Variants in FMNL3 observed in about 807,000 individuals in gnomAD.
The protein encoded by FMNL3 is formin like 3.
FMNL3 carries 57 observed loss-of-function variants against 119.6 expected under a neutral mutation model. The ratio of observed to expected loss-of-function variants is 0.48; its 90% CI spans 0.39 to 0.59. The LOEUF (loss-of-function observed/expected upper bound fraction) is 0.59, where lower values mean the gene tolerates loss of function less well. Ranked by LOEUF, FMNL3 falls within the 20% of genes least tolerant of loss-of-function variation. The pLI, the probability that FMNL3 is intolerant of heterozygous loss-of-function variation, is 0.00. For synonymous variants in FMNL3, 491 were observed against 507.3 expected (o/e 0.97, Z 0.43); for missense variants, 1,053 against 1,323.5 (o/e 0.80, Z 3.17).
intron 1 of FMNL3, among the ~76,000 whole-genome samples, chr12:49,706,157 G>A (rs553745597): frequency 6.6e-6 from 1 of 152,220 alleles, no homozygotes; most frequent in Non-Finnish European, 1.5e-5. Flanking sequence ...CATATTTTCT[G>A]GCTCCTTCCC....
At chr12:49,690,631 G>T (rs1025598076) in intron 1 of FMNL3, among the ~76,000 whole-genome samples, 3 of 152,134 alleles carry the variant, frequency 2.0e-5, no homozygotes, top group Admixed American at 6.5e-5. Context: ...CCCAAATCTG[G>T]CTGACTCTAA....
rs1941922738 is a variant in FMNL3 at position 49,637,062 on chromosome 12, C to T, written c.*8753G>A. On this transcript the variant is annotated 3_prime_UTR_variant, in exon 26 of 26. Transcript: ENST00000335154. ...TTCTAGGGAGACTAGATGTATGCAC[C>T]ACCCAGAAACTGCCAGTAGAGAGCA... 2.1e-5 allele frequency: 15 copies of T among 712,980 alleles called. No homozygotes were observed. The highest frequency in any genetic ancestry group is 1.2e-4 in the Admixed American group (4 of 34,362). The allele number at this position is 712,980 out of a possible 1,614,324, so 44.2% of individuals were successfully genotyped here.
chr12:49,668,908 G>A (rs1943963834), intron 1 of FMNL3, among the ~76,000 whole-genome samples: 2 of 152,186 alleles, frequency 1.3e-5, no homozygotes, highest in Admixed American at 6.5e-5. Flanking sequence ...AAACAAATAT[G>A]TCATATACAT....
At chr12:49,692,280 T>G (rs1203853154) in intron 1 of FMNL3, among the ~76,000 whole-genome samples, 2 of 151,610 alleles carry the variant, frequency 1.3e-5, no homozygotes, top group Non-Finnish European at 2.9e-5. Flanking sequence ...GTTGAGACTG[T>G]GATCACACTA....
At position 49,649,541 on chromosome 12, in the gene FMNL3, G is replaced by A. The variant is rs1565866334; in HGVS notation, c.2236-3C>T. On this transcript the variant is annotated splice_polypyrimidine_tract_variant and splice_region_variant and intron_variant, in intron 18 of 25. Coordinates refer to ENST00000335154, the MANE Select transcript of FMNL3 (RefSeq NM_175736.5). The surrounding 1 kb of genome is among the most constrained non-coding windows in gnomAD (Gnocchi z 5.6). ...GCCGCAATGATGGCATTGAGTTGCTGTAGGACAATATGAACACTGAAGTAA... is the reference window on the plus strand; with the variant it reads ...GCCGCAATGATGGCATTGAGTTGCTATAGGACAATATGAACACTGAAGTAA... 2 of 1,614,202 alleles carry A rather than the reference G, an allele frequency of 1.2e-6. No individual in the cohort carries two copies. Among genetic ancestry groups the A allele is most frequent in the Admixed American group, 3.3e-5 (2 of 60,024 alleles).
At chr12:49,700,522 C>T (rs1257717518) in intron 1 of FMNL3, among the ~76,000 whole-genome samples, 1 of 150,308 alleles carries the variant, frequency 6.7e-6, no homozygotes, top group Non-Finnish European at 1.5e-5. Flanking sequence ...TGAGATCAGC[C>T]TGGCCAACGT....
intron 4 of FMNL3, among the ~76,000 whole-genome samples, chr12:49,664,361 T>C (rs1943826156): frequency 6.6e-6 from 1 of 152,136 alleles, no homozygotes; most frequent in African/African-American, 2.4e-5. Context: ...GTCATGATCA[T>C]GTCACTGTAC....
chr12:49,698,367 TC>T (rs1306149656), intron 1 of FMNL3, among the ~76,000 whole-genome samples: 1 of 152,184 alleles, frequency 6.6e-6, no homozygotes, highest in Non-Finnish European at 1.5e-5. Flanking sequence ...AAACTTGTCC[TC>T]TACTGGCAAA....
At chr12:49,677,313 C>G (rs183614303) in intron 1 of FMNL3, among the ~76,000 whole-genome samples, 13 of 152,116 alleles carry the variant, frequency 8.5e-5, no homozygotes, top group Middle Eastern at 3.2e-3. Flanking sequence ...AGTGACCCTC[C>G]TAGAGGCACA....
At chr12:49,665,704 C>A (rs1224172726) in intron 4 of FMNL3, 128 bp downstream of exon 4, 4 of 974,800 alleles carry the variant, frequency 4.1e-6, no homozygotes, top group Non-Finnish European at 6.5e-6. Context: ...AGAAGCCATT[C>A]AAGGGGCAAC....
intron 2 of FMNL3, 120 bp downstream of exon 2, chr12:49,668,351 C>A: frequency 1.1e-6 from 1 of 879,484 alleles, no homozygotes; most frequent in African/African-American, 1.7e-5. Flanking sequence ...ACAGATGAGG[C>A]CAAGCTTAGG....
chr12:49,637,933 G>A lies in FMNL3; in HGVS notation c.*7882C>T, dbSNP rs1472675355. ...TGCAGAAGCATTACAGCTTGGTTCA[G>A]CAGATATCTACTGTGATCCTTTACT... is the stretch of plus-strand genomic sequence containing the variant. On this transcript the variant is annotated 3_prime_UTR_variant, in exon 26 of 26. Transcript: ENST00000335154. 1 of 846,864 alleles carries A rather than the reference G, an allele frequency of 1.2e-6. No individual in the cohort carries two copies. The highest frequency in any genetic ancestry group is 1.7e-5 in the African/African-American group (1 of 60,352). The allele number at this position is 846,864 out of a possible 1,614,324, so 52.5% of individuals were successfully genotyped here.
At position 49,636,633 on chromosome 12, in the gene FMNL3, C is replaced by A. The variant is rs533871097; in HGVS notation, c.*9182G>T. The stretch of plus-strand genomic sequence containing the variant: ...GGTATCCCTAGCACCTGTAGGACAG[C>A]ATCGTTGAAACATTAGGGGTGCTGG... On this transcript the variant is annotated 3_prime_UTR_variant, in exon 26 of 26. Transcript: ENST00000335154. 30 of 1,583,578 alleles carry A rather than the reference C, an allele frequency of 1.9e-5. No homozygotes were observed. In the African/African-American group the frequency reaches 3.9e-4, roughly 21 times the overall value.
chr12:49,638,768 G>C lies in FMNL3; in HGVS notation c.*7047C>G, dbSNP rs1942202661. 6.6e-6 allele frequency: 1 copy of C among 152,170 alleles called. No homozygotes were observed. Among genetic ancestry groups the C allele is most frequent in the South Asian group, 2.1e-4 (1 of 4,826 alleles). The allele number at this position is 152,170 out of a possible 1,614,324, so 9.4% of individuals were successfully genotyped here. ...TTGTGTGACCTTGGATAGGTCACTT[G>C]ACCTTTCTGACCCTGTTTCCTCATC... On this transcript the variant is annotated 3_prime_UTR_variant, in exon 26 of 26. Coordinates refer to ENST00000335154, the MANE Select transcript of FMNL3 (RefSeq NM_175736.5).
At chr12:49,704,321 C>T (rs1046209249) in intron 1 of FMNL3, among the ~76,000 whole-genome samples, 1 of 151,968 alleles carries the variant, frequency 6.6e-6, no homozygotes, top group African/African-American at 2.4e-5. Context: ...ATAGCTTTTT[C>T]AAAAAACCTA....
chr12:49,684,903 A>G (rs1274334389), intron 1 of FMNL3, among the ~76,000 whole-genome samples: 1 of 152,166 alleles, frequency 6.6e-6, no homozygotes, highest in East Asian at 1.9e-4. Context: ...CACAAACGAG[A>G]AGTCTGTCCA....
At chr12:49,694,445 G>A (rs1428101804) in intron 1 of FMNL3, among the ~76,000 whole-genome samples, 3 of 152,060 alleles carry the variant, frequency 2.0e-5, no homozygotes, top group African/African-American at 7.2e-5. Context: ...TGTGTAAACT[G>A]TTCTGCAGAA....
rs558990746 is a variant in FMNL3, at chr12:49,637,903, T to G, written c.*7912A>C. On this transcript the variant is annotated 3_prime_UTR_variant, in exon 26 of 26. Transcript: ENST00000335154. Reference sequence around the variant, plus strand: ...CTGCAGAGGACTCCCTGATAAGTCCTGTTTTGCAGAAGCATTACAGCTTGG... The same window carrying G: ...CTGCAGAGGACTCCCTGATAAGTCCGGTTTTGCAGAAGCATTACAGCTTGG... 8.3e-7 allele frequency: 1 copy of G among 1,205,314 alleles called. No homozygotes were observed. The highest frequency in any genetic ancestry group is 2.4e-5 in the East Asian group (1 of 42,550). 74.7% of individuals were successfully genotyped at this position (1,205,314 alleles called of 1,614,324 possible).
At chr12:49,706,178 G>A (rs928962710) in intron 1 of FMNL3, among the ~76,000 whole-genome samples, 1 of 152,170 alleles carries the variant, frequency 6.6e-6, no homozygotes, top group South Asian at 2.1e-4. Flanking sequence ...GGTGATACCA[G>A]CTCAGAACCT....
Sources: allele counts gnomAD v4.1 joint callset (sites outside exome capture counted in the v4.1 genomes callset), GRCh38; gene constraint gnomAD v4.1.1; non-coding constraint Gnocchi (gnomAD v3.1); transcripts MANE v1.5; gene names NCBI Gene and HGNC (gene_info 2026-07-23, HGNC 2026-07-21).